The following GNAZ variants were observed in gnomAD, a reference collection of about 807,000 sequenced individuals.
The protein encoded by GNAZ is guanine nucleotide-binding protein G(z) subunit alpha.
In GNAZ, 3 loss-of-function variants were observed where a neutral mutation model predicts 25.4. The ratio of observed to expected loss-of-function variants is 0.12; its 90% CI spans 0.05 to 0.30. GNAZ has a LOEUF of 0.30. Among genes scored for constraint, GNAZ ranks in the 10% least tolerant of loss-of-function variants. GNAZ has a pLI of 1.00. For synonymous variants in GNAZ, 211 were observed against 205.7 expected, an observed-to-expected ratio of 1.03 and a Z score of -0.22; for missense variants, 241 against 501.8, an observed-to-expected ratio of 0.48 and a Z score of 4.97.
chr22:23,082,737 C>T (rs1264579595), intron 1 of GNAZ, among the ~76,000 whole-genome samples: 1 of 151,960 alleles, frequency 6.6e-6, no homozygotes, highest in African/African-American at 2.4e-5. Context: ...GAGCCCCAGC[C>T]CACCCAAGCG....
At chr22:23,085,155 C>T (rs896344817) in intron 1 of GNAZ, among the ~76,000 whole-genome samples, 1 of 152,310 alleles carries the variant, frequency 6.6e-6, no homozygotes, top group Non-Finnish European at 1.5e-5. Context: ...GCTGCATCTG[C>T]GGGGTCAGCT....
chr22:23,076,986 T>C (rs958256383), intron 1 of GNAZ, among the ~76,000 whole-genome samples: 1 of 152,210 alleles, frequency 6.6e-6, no homozygotes, highest in Non-Finnish European at 1.5e-5. Flanking sequence ...AGTGTACAGA[T>C]AGTTTCCTTC....
chr22:23,093,475 C>T lies in GNAZ; in HGVS notation c.-449-1772C>T, dbSNP rs948871794. ...CCCGCACTCTGGCTGGGGGTAGGGG[C>T]GACGGCAGCACACAAGGTCATGTAG... On this transcript the variant is annotated intron_variant, in intron 1 of 2. Coordinates refer to ENST00000615612, the MANE Select transcript of GNAZ (RefSeq NM_002073.4). Among the ~76,000 whole-genome samples the T allele has an allele frequency of 3.9e-5, 6 of 152,130 alleles. No homozygotes were observed. The South Asian group carries it at 8.3e-4, about 21-fold the overall frequency.
intron 2 of GNAZ, among the ~76,000 whole-genome samples, chr22:23,119,745 C>T (rs2069957641): frequency 6.6e-6 from 1 of 152,236 alleles, no homozygotes; most frequent in African/African-American, 2.4e-5. Context: ...AGCTTCCTGT[C>T]TGAGCCCGGA....
chr22:23,092,747 G>A (rs1296822740), intron 1 of GNAZ, among the ~76,000 whole-genome samples: 2 of 152,190 alleles, frequency 1.3e-5, no homozygotes, highest in African/African-American at 4.8e-5. Flanking sequence ...TTGGAGCCAG[G>A]GAGCACATAC....
chr22:23,114,671 C>T (rs1039586295), intron 2 of GNAZ, among the ~76,000 whole-genome samples: 2 of 152,228 alleles, frequency 1.3e-5, no homozygotes, highest in African/African-American at 2.4e-5. Flanking sequence ...AGCCCCCTCA[C>T]GAGGGAAGTA....
chr22:23,084,821 T>G (rs535355699), intron 1 of GNAZ, among the ~76,000 whole-genome samples: 2 of 152,312 alleles, frequency 1.3e-5, no homozygotes, highest in South Asian at 4.1e-4. Flanking sequence ...CTCTCCCAGA[T>G]GAGTGTGGGC....
rs2069093190 is a variant in GNAZ, at chr22:23,095,292, G to A, written c.-404G>A. On this transcript the variant is annotated 5_prime_UTR_variant, in exon 2 of 3. Transcript: ENST00000615612. ...TGGGAGCCGGAGGCGGGGGGCTGCAGGGAGCACACCAGCGACCGGCCCTCC... is the reference window on the plus strand; with the variant it reads ...TGGGAGCCGGAGGCGGGGGGCTGCAAGGAGCACACCAGCGACCGGCCCTCC... 1.8e-5 allele frequency: 4 copies of A among 217,514 alleles called. No individual in the cohort carries two copies. In the South Asian group the frequency reaches 3.2e-4, roughly 17 times the overall value. The allele number at this position is 217,514 out of a possible 1,614,324, so 13.5% of individuals were successfully genotyped here.
At chr22:23,112,130 C>T (rs555030629) in intron 2 of GNAZ, among the ~76,000 whole-genome samples, 40 of 152,176 alleles carry the variant, frequency 2.6e-4, no homozygotes, top group Non-Finnish European at 4.7e-4. Flanking sequence ...CCTGTCTTCA[C>T]CCCGCAGCCC....
chr22:23,100,512 C>T (rs915771805), intron 2 of GNAZ, among the ~76,000 whole-genome samples: 3 of 152,238 alleles, frequency 2.0e-5, no homozygotes, highest in African/African-American at 4.8e-5. Flanking sequence ...GTGGCAAGTG[C>T]TTGAGCAGCC....
At chr22:23,118,940 C>G (rs2069930475) in intron 2 of GNAZ, among the ~76,000 whole-genome samples, 1 of 152,196 alleles carries the variant, frequency 6.6e-6, no homozygotes, top group Non-Finnish European at 1.5e-5. Flanking sequence ...CCCACAAAGG[C>G]CAGATGGGTG....
intron 2 of GNAZ, among the ~76,000 whole-genome samples, chr22:23,101,879 C>T (rs1433779129): frequency 1.3e-5 from 2 of 152,208 alleles, no homozygotes; most frequent in Admixed American, 6.5e-5. Context: ...GATGGCACCT[C>T]GCATGGCAGG....
At position 23,123,591 on chromosome 22, in the gene GNAZ, A is replaced by G. The variant is rs987947366; in HGVS notation, c.*160A>G. The stretch of plus-strand genomic sequence containing the variant: ...TCCTTGGCCCCACATTTCTGCAAAC[A>G]TAAATATTTACGGATAGATTGCTAG... On this transcript the variant is annotated 3_prime_UTR_variant, in exon 3 of 3. Coordinates refer to ENST00000615612, the MANE Select transcript of GNAZ (RefSeq NM_002073.4). 2.7e-5 allele frequency: 16 copies of G among 603,660 alleles called. No homozygotes were observed. Among genetic ancestry groups the G allele is most frequent in the Non-Finnish European group, 3.8e-5 (13 of 339,288 alleles). The allele number at this position is 603,660 out of a possible 1,614,324, so 37.4% of individuals were successfully genotyped here.
At chr22:23,109,387 G>A (rs1419271810) in intron 2 of GNAZ, among the ~76,000 whole-genome samples, 1 of 152,182 alleles carries the variant, frequency 6.6e-6, no homozygotes, top group Non-Finnish European at 1.5e-5. Flanking sequence ...CCTTGTTAAG[G>A]GATCAGCTGC....
At chr22:23,089,591 G>A (rs2068907524) in intron 1 of GNAZ, among the ~76,000 whole-genome samples, 1 of 152,206 alleles carries the variant, frequency 6.6e-6, no homozygotes, top group South Asian at 2.1e-4. Context: ...TCCTGACTCA[G>A]GGCTATCACT....
chr22:23,082,205 T>C (rs972157539), intron 1 of GNAZ, among the ~76,000 whole-genome samples: 3 of 151,178 alleles, frequency 2.0e-5, no homozygotes, highest in Admixed American at 2.0e-4. Flanking sequence ...TTTTTCGTTG[T>C]GTTTTTTTGT....
At chr22:23,099,662 C>T (rs956651939) in intron 2 of GNAZ, among the ~76,000 whole-genome samples, 2 of 152,362 alleles carry the variant, frequency 1.3e-5, no homozygotes, top group South Asian at 2.1e-4. Context: ...GGACCCACCA[C>T]GGGCCTCCCA....
rs1227709638 is a variant in GNAZ at position 23,096,261 on chromosome 22, A to G, written c.566A>G (p.Lys189Arg). Residue 189 changes from lysine (K) to arginine (R), a missense_variant, in exon 2 of 3, where the codon AAG (lysine) becomes AGG (arginine). Transcript: ENST00000615612. ...RDMTTGIVEN[K>R]FTFKELTFKM... ...ATGACCACGGGCATTGTGGAGAACA[A>G]GTTCACCTTCAAGGAGCTCACCTTC... 6.2e-7 allele frequency: 1 copy of G among 1,613,916 alleles called. No individual in the cohort carries two copies. The highest frequency in any genetic ancestry group is 8.5e-7 in the Non-Finnish European group (1 of 1,180,026).
rs142048561 is a variant in GNAZ, at chr22:23,100,565, C to T, written c.723+4147C>T. ...TCTATGCCTGGCCCTGGATAGTGGT[C>T]CCTTGTCCTGGGGCCATTGGCTTCC... On this transcript the variant is annotated intron_variant, in intron 2 of 2. Transcript: ENST00000615612. Among the ~76,000 whole-genome samples, 918 of 152,308 alleles carry T rather than the reference C, an allele frequency of 6.0e-3. 3 individuals are homozygous for T. Among genetic ancestry groups the T allele is most frequent in the Non-Finnish European group, 9.0e-3 (609 of 68,026 alleles).
Sources: allele counts gnomAD v4.1 joint callset (sites outside exome capture counted in the v4.1 genomes callset), GRCh38; gene constraint gnomAD v4.1.1; transcripts MANE v1.5; gene names NCBI Gene and HGNC (gene_info 2026-07-23, HGNC 2026-07-21).